The following TMTC2 variants were observed in gnomAD, a reference collection of about 807,000 sequenced individuals.
The protein encoded by TMTC2 is protein O-mannosyl-transferase TMTC2.
A neutral mutation model predicts 82.4 loss-of-function variants in TMTC2; 43 were observed. The ratio of observed to expected loss-of-function variants is 0.52; its 90% CI spans 0.41 to 0.67. The LOEUF (loss-of-function observed/expected upper bound fraction) is 0.67. Ranked by LOEUF, TMTC2 falls within the 30% of genes least tolerant of loss-of-function variation. The pLI is 0.00. For missense variants in TMTC2, 919 were observed against 1,012.4 expected (o/e 0.91, Z 1.25); for synonymous variants, 408 against 381.9 (o/e 1.07, Z -0.80).
intron 4 of TMTC2, among the ~76,000 whole-genome samples, chr12:82,953,887 A>G (rs1220849314): frequency 6.6e-6 from 1 of 152,108 alleles, no homozygotes; most frequent in Non-Finnish European, 1.5e-5. Context: ...GTGTTAAAGG[A>G]CAATCAAACG....
chr12:82,811,711 A>C (rs188427846), intron 1 of TMTC2, among the ~76,000 whole-genome samples: 5 of 151,864 alleles, frequency 3.3e-5, no homozygotes, highest in Admixed American at 2.0e-4. Flanking sequence ...TATACTATGA[A>C]AAGTATTTTT....
At chr12:82,821,144 CCA>C (rs1869087184) in intron 1 of TMTC2, among the ~76,000 whole-genome samples, 1 of 152,126 alleles carries the variant, frequency 6.6e-6, no homozygotes, top group African/African-American at 2.4e-5. Context: ...TAGGTATGAA[CCA>C]CAGTGCCTGG....
At chr12:82,885,736 G>T (rs2083138830) in intron 2 of TMTC2, among the ~76,000 whole-genome samples, 1 of 151,954 alleles carries the variant, frequency 6.6e-6, no homozygotes. Flanking sequence ...TCATAACAAG[G>T]GTACATACTG....
chr12:82,821,983 G>A (rs983085096), intron 1 of TMTC2, among the ~76,000 whole-genome samples: 75 of 151,696 alleles, frequency 4.9e-4, no homozygotes, highest in African/African-American at 1.8e-3. Context: ...GTATTATTCA[G>A]TGCTACAAAG....
At chr12:82,706,117 C>T (rs1228725383) in intron 1 of TMTC2, among the ~76,000 whole-genome samples, 3 of 151,880 alleles carry the variant, frequency 2.0e-5, no homozygotes, top group East Asian at 3.9e-4. Flanking sequence ...AAGACCAGCC[C>T]GGCCAACATG....
At chr12:82,698,252 G>A (rs148485768) in intron 1 of TMTC2, among the ~76,000 whole-genome samples, 121 of 152,240 alleles carry the variant, frequency 7.9e-4, no homozygotes, top group Middle Eastern at 3.4e-3. Context: ...TAGAGGCAGG[G>A]TTGTGAACGA....
chr12:82,969,875 A>G (rs990924636), intron 7 of TMTC2, among the ~76,000 whole-genome samples: 2 of 63,060 alleles, frequency 3.2e-5, no homozygotes, highest in Non-Finnish European at 9.6e-5. Flanking sequence ...ACAAACATAC[A>G]TAAAAAACAT....
intron 8 of TMTC2, among the ~76,000 whole-genome samples, chr12:83,008,181 A>G (rs2137381016): frequency 6.6e-6 from 1 of 152,270 alleles, no homozygotes; most frequent in East Asian, 1.9e-4. Flanking sequence ...TAGGTTTAGT[A>G]TTTTTGGAAT....
intron 1 of TMTC2, among the ~76,000 whole-genome samples, chr12:82,781,311 G>A (rs1239871859): frequency 2.6e-5 from 4 of 151,616 alleles, no homozygotes; most frequent in African/African-American, 9.7e-5. Flanking sequence ...TTATTGCTAG[G>A]AGAATGGAAA....
intron 8 of TMTC2, among the ~76,000 whole-genome samples, chr12:83,015,414 T>A (rs1468286573): frequency 6.6e-6 from 1 of 152,206 alleles, no homozygotes; most frequent in Non-Finnish European, 1.5e-5. Context: ...TTCTTGCATC[T>A]CAAAGATAAA....
intron 1 of TMTC2, among the ~76,000 whole-genome samples, chr12:82,716,671 C>T (rs535846816): frequency 6.6e-6 from 1 of 152,016 alleles, no homozygotes; most frequent in East Asian, 1.9e-4. Context: ...CTGTCTGGTA[C>T]ATTTTTGCTG....
chr12:83,130,416 C>T (rs569443797), intron 11 of TMTC2, among the ~76,000 whole-genome samples: 1 of 152,162 alleles, frequency 6.6e-6, no homozygotes, highest in African/African-American at 2.4e-5. Flanking sequence ...TTATTTGGAT[C>T]GGTGTTTAAA....
chr12:82,944,374 G>C (rs1333080860), intron 4 of TMTC2, among the ~76,000 whole-genome samples: 2 of 151,988 alleles, frequency 1.3e-5, no homozygotes, highest in Non-Finnish European at 2.9e-5. Flanking sequence ...CACGAGGTCA[G>C]GAGATCGAGA....
chr12:83,080,834 C>T (rs1883440004), intron 11 of TMTC2, among the ~76,000 whole-genome samples: 1 of 152,142 alleles, frequency 6.6e-6, no homozygotes, highest in African/African-American at 2.4e-5. Flanking sequence ...GAGGTTAATT[C>T]ACAGACCCTT....
chr12:82,962,369 C>T (rs1459154753), intron 4 of TMTC2, among the ~76,000 whole-genome samples: 1 of 151,870 alleles, frequency 6.6e-6, no homozygotes, highest in Non-Finnish European at 1.5e-5. Flanking sequence ...TGCCATCATT[C>T]AGGTGACAGA....
chr12:82,697,576 T>C (rs1327216658), intron 1 of TMTC2, among the ~76,000 whole-genome samples: 1 of 152,202 alleles, frequency 6.6e-6, no homozygotes, highest in African/African-American at 2.4e-5. Context: ...TTTTCTTATT[T>C]GTTCAACAAC....
intron 1 of TMTC2, among the ~76,000 whole-genome samples, chr12:82,852,403 G>A (rs555984616): frequency 1.4e-4 from 21 of 152,018 alleles, no homozygotes; most frequent in Non-Finnish European, 2.8e-4. Context: ...CACCGCGCCC[G>A]GCCAGAGACT....
chr12:82,789,296 C>A (rs991729357), intron 1 of TMTC2, among the ~76,000 whole-genome samples: 3 of 152,074 alleles, frequency 2.0e-5, no homozygotes, highest in Non-Finnish European at 4.4e-5. Flanking sequence ...AAGAGAATTG[C>A]AACCTGTGGG....
chr12:82,866,243 T>TAAAAAAAA (rs1871849151), intron 2 of TMTC2, among the ~76,000 whole-genome samples: 1 of 74,136 alleles, frequency 1.3e-5, no homozygotes. Flanking sequence ...TTTGAAAAGA[T>TAAAAAAAA]CAAAAAAAAA....
Sources: allele counts gnomAD v4.1 joint callset (sites outside exome capture counted in the v4.1 genomes callset), GRCh38; gene constraint gnomAD v4.1.1; transcripts MANE v1.5; gene names NCBI Gene and HGNC (gene_info 2026-07-23, HGNC 2026-07-21).